ZBTB7C: variants seen among roughly 807,000 people sequenced by gnomAD.
The protein encoded by ZBTB7C is zinc finger and BTB domain-containing protein 7C.
A neutral mutation model predicts 25.7 loss-of-function variants in ZBTB7C; 8 were observed. The observed-to-expected ratio is 0.31, with a 90% CI of 0.18 to 0.56. The LOEUF (loss-of-function observed/expected upper bound fraction) is 0.56, where lower values mean the gene tolerates loss of function less well. Ranked by LOEUF, ZBTB7C falls within the 20% of genes least tolerant of loss-of-function variation. ZBTB7C has a pLI of 0.91. For missense variants in ZBTB7C, 824 were observed against 855.2 expected (o/e 0.96, Z 0.46); for synonymous variants, 394 against 369.0 (o/e 1.07, Z -0.78).
rs780556902 is a variant in ZBTB7C at position 48,029,247 on chromosome 18, G to C, written c.*13C>G. ...ACTGGAGGGCTGGTGGGCTGGAGCCGACAGGGACCAGCCTAGTTGTTGGCT... is the reference window on the plus strand; with the variant it reads ...ACTGGAGGGCTGGTGGGCTGGAGCCCACAGGGACCAGCCTAGTTGTTGGCT... On this transcript the variant is annotated 3_prime_UTR_variant, in exon 5 of 5. Transcript: ENST00000590800. 4 of 1,532,384 alleles carry C rather than the reference G, an allele frequency of 2.6e-6. No individual in the cohort carries two copies. The highest frequency in any genetic ancestry group is 2.4e-5 in the South Asian group (2 of 83,092). The allele number at this position is 1,532,384 out of a possible 1,614,324, so 94.9% of individuals were successfully genotyped here. A position where few individuals can be genotyped will look rare whatever the true frequency, so the allele number is the denominator to read the frequency against.
intron 2 of ZBTB7C, among the ~76,000 whole-genome samples, chr18:48,318,844 C>G (rs1287623077): frequency 2.6e-5 from 4 of 152,326 alleles, no homozygotes; most frequent in Admixed American, 2.6e-4. Flanking sequence ...CCCAAGCAGG[C>G]CCCTTCTTCC....
intron 2 of ZBTB7C, among the ~76,000 whole-genome samples, chr18:48,247,514 C>A (rs1356857824): frequency 6.6e-6 from 1 of 152,190 alleles, no homozygotes. Flanking sequence ...TTTGTGGCTT[C>A]CCATCTCCCT....
At chr18:48,199,464 T>C (rs80356335) in intron 2 of ZBTB7C, among the ~76,000 whole-genome samples, 18,774 of 152,266 alleles carry the variant, frequency 0.12, 1,549 homozygotes, top group Non-Finnish European at 0.19. Context: ...CCTTATTCCT[T>C]GGATGTTTCT....
At chr18:48,154,393 A>T (rs1390295402) in intron 3 of ZBTB7C, among the ~76,000 whole-genome samples, 1 of 152,196 alleles carries the variant, frequency 6.6e-6, no homozygotes, top group Non-Finnish European at 1.5e-5. Flanking sequence ...GCACAGGACA[A>T]GGCCCGAGCT....
intron 1 of ZBTB7C, among the ~76,000 whole-genome samples, chr18:48,389,366 A>G (rs1398146513): frequency 1.2e-5 from 1 of 85,724 alleles, no homozygotes; most frequent in Non-Finnish European, 2.4e-5. Context: ...TCAAAGATAG[A>G]CCAAAAAAAA....
chr18:48,123,322 C>G (rs1366360928), intron 3 of ZBTB7C, among the ~76,000 whole-genome samples: 1 of 152,246 alleles, frequency 6.6e-6, no homozygotes, highest in Non-Finnish European at 1.5e-5. Context: ...AGATGGGGAC[C>G]CCAGCTGCTG....
chr18:48,390,558 A>T (rs1280563784), intron 1 of ZBTB7C, among the ~76,000 whole-genome samples: 2 of 152,206 alleles, frequency 1.3e-5, no homozygotes, highest in Non-Finnish European at 2.9e-5. Flanking sequence ...CCCAATTTTT[A>T]ATAGCTGCTG....
intron 2 of ZBTB7C, among the ~76,000 whole-genome samples, chr18:48,206,346 G>A (rs1464394010): frequency 6.6e-6 from 1 of 152,144 alleles, no homozygotes; most frequent in Non-Finnish European, 1.5e-5. Flanking sequence ...GGAAAGAATG[G>A]TGCTTACAAT....
chr18:48,304,923 A>G (rs566163276), intron 2 of ZBTB7C, among the ~76,000 whole-genome samples: 8 of 151,700 alleles, frequency 5.3e-5, no homozygotes, highest in African/African-American at 1.9e-4. Context: ...TGTTTGAGAC[A>G]AGCCTGGTTT....
chr18:48,163,264 G>A (rs2041130239), intron 3 of ZBTB7C, among the ~76,000 whole-genome samples: 1 of 152,208 alleles, frequency 6.6e-6, no homozygotes, highest in East Asian at 1.9e-4. Flanking sequence ...CTGGGCATGA[G>A]CATGGCCCTG....
Position 48,232,104 on chromosome 18 carries a change from G to A in ZBTB7C, c.-78-46109C>T, listed in dbSNP as rs766772182. Among the ~76,000 whole-genome samples, 4 of 152,208 alleles carry A rather than the reference G, an allele frequency of 2.6e-5. No homozygotes were observed. In the South Asian group the frequency reaches 6.2e-4, roughly 24 times the overall value. On this transcript the variant is annotated intron_variant, in intron 2 of 4. Transcript: ENST00000590800. The stretch of plus-strand genomic sequence containing the variant: ...TGAGCACAGCCTGCCAGGCTGAGTG[G>A]GCAAAACGAGCCCAGGAGGCCTGAG...
intron 1 of ZBTB7C, among the ~76,000 whole-genome samples, chr18:48,354,306 C>T (rs2046928171): frequency 6.6e-6 from 1 of 152,148 alleles, no homozygotes; most frequent in Non-Finnish European, 1.5e-5. Context: ...ATGACAGGTG[C>T]ACACCACTGT....
chr18:48,313,423 C>A (rs562361044), intron 2 of ZBTB7C, among the ~76,000 whole-genome samples: 3 of 152,310 alleles, frequency 2.0e-5, no homozygotes, highest in South Asian at 2.1e-4. Context: ...CAAATTAGAT[C>A]CGAATTGTGG....
At chr18:48,069,897 AGGCCTGG>A (rs2037478528) in intron 3 of ZBTB7C, among the ~76,000 whole-genome samples, 1 of 152,170 alleles carries the variant, frequency 6.6e-6, no homozygotes, top group Admixed American at 6.5e-5. Flanking sequence ...CAGGGGAGTC[AGGCCTGG>A]CCCCTGGAGC....
chr18:48,264,530 C>A (rs559379157), intron 2 of ZBTB7C, among the ~76,000 whole-genome samples: 1 of 152,252 alleles, frequency 6.6e-6, no homozygotes, highest in South Asian at 2.1e-4. Context: ...CTGTCAGACA[C>A]GATCCAGGTT....
At chr18:48,268,983 C>T (rs2044396141) in intron 2 of ZBTB7C, among the ~76,000 whole-genome samples, 1 of 119,388 alleles carries the variant, frequency 8.4e-6, no homozygotes, top group Admixed American at 1.0e-4. Context: ...TTTTTTGAGA[C>T]AGGGTCTTGC....
At chr18:48,183,195 C>G (rs762458449) in intron 3 of ZBTB7C, among the ~76,000 whole-genome samples, 1 of 152,208 alleles carries the variant, frequency 6.6e-6, no homozygotes, top group Non-Finnish European at 1.5e-5. Context: ...TCAATCCCTT[C>G]TGGAATAACC....
chr18:48,160,227 T>A (rs1195518653), intron 3 of ZBTB7C, among the ~76,000 whole-genome samples: 2 of 152,180 alleles, frequency 1.3e-5, no homozygotes, highest in Non-Finnish European at 2.9e-5. Context: ...GGAGCTAGAA[T>A]CCCAAGCACT....
chr18:48,083,932 C>G, intron 3 of ZBTB7C: 1 of 981,314 alleles, frequency 1.0e-6, no homozygotes, highest in South Asian at 4.7e-5. Context: ...TTGGTTGAAG[C>G]AGGCCTTTAA....
Sources: gnomAD v4.1 joint callset for allele counts (sites outside exome capture counted in the v4.1 genomes callset) on GRCh38, gnomAD v4.1.1 for gene constraint, MANE v1.5 for transcripts, NCBI Gene and HGNC (gene_info 2026-07-23, HGNC 2026-07-21) for gene names.